VSIG2: variants seen among roughly 807,000 people sequenced by gnomAD.
The protein encoded by VSIG2 is V-set and immunoglobulin domain containing 2.
VSIG2 carries 30 observed loss-of-function variants against 29.4 expected under a neutral mutation model. That is an observed-to-expected ratio of 1.02 (90% CI 0.76 to 1.38). The LOEUF is 1.38. Among genes scored for constraint, VSIG2 ranks in the 40% most tolerant of loss-of-function variants. The pLI is 0.00. For missense variants in VSIG2, 421 were observed against 400.8 expected (o/e 1.05, Z -0.43); for synonymous variants, 178 against 174.2 (o/e 1.02, Z -0.17).
Position 124,750,890 on chromosome 11 carries a change from G to A in VSIG2, c.251C>T (p.Pro84Leu), listed in dbSNP as rs1284605388. The A allele has an allele frequency of 6.8e-6, 11 of 1,613,962 alleles. No individual in the cohort carries two copies. Among genetic ancestry groups the A allele is most frequent in the Non-Finnish European group, 9.3e-6 (11 of 1,180,006 alleles). The change falls in exon 3 of 7, where the codon CCA becomes CTA. Residue 84 changes from proline to leucine, a missense_variant. By Grantham distance (98) the Pro-to-Leu change is moderately conservative. Transcript: ENST00000326621. The stretch of plus-strand genomic sequence containing the variant: ...GACCCGCTTTGACTTAGAACCAGTT[G>A]GATACAGATGGCCATTGGTGAAGTA... ...ILYFTNGHLY[P>L]TGSKSKRVSL... is the part of the protein sequence containing the mutation.
In VSIG2 at chr11:124,749,883, A is replaced by AAAAAAAAAAAAAAC; in HGVS notation, c.428-18_428-17insGTTTTTTTTTTTTT. 1 of 1,513,410 alleles carries AAAAAAAAAAAAAAC rather than the reference A, an allele frequency of 6.6e-7. No homozygotes were observed. Among genetic ancestry groups the AAAAAAAAAAAAAAC allele is most frequent in the Admixed American group, 2.2e-5 (1 of 45,938 alleles). The allele number at this position is 1,513,410 out of a possible 1,614,324, so 93.7% of individuals were successfully genotyped here. On this transcript the variant is annotated splice_polypyrimidine_tract_variant and intron_variant, in intron 3 of 6. Coordinates refer to ENST00000326621, the MANE Select transcript of VSIG2 (RefSeq NM_014312.5). Reference sequence around the variant, plus strand: ...TGGGGGGAACTGCAAAAAAAAAAAAAAAAAAAAAAAAACAGAAAGTTCCTC... The same window carrying AAAAAAAAAAAAAAC: ...TGGGGGGAACTGCAAAAAAAAAAAAAAAAAAAAAAAAAACAAAAAAAAAAAACAGAAAGTTCCTC...
chr11:124,751,621 A>G, intron 1 of VSIG2, 41 bp from the exon 2 acceptor site: 1 of 1,530,974 alleles, frequency 6.5e-7, no homozygotes, highest in Non-Finnish European at 8.7e-7. Context: ...CCCAAATTCC[A>G]GTGATCTGGA....
chr11:124,749,884 A>AAAAAAAAAAAACAAAAAAAAAAAC lies in VSIG2; in HGVS notation c.428-19_428-18insGTTTTTTTTTTTGTTTTTTTTTTT. 2 of 1,460,322 alleles carry AAAAAAAAAAAACAAAAAAAAAAAC rather than the reference A, an allele frequency of 1.4e-6. No homozygotes were observed. Among genetic ancestry groups the AAAAAAAAAAAACAAAAAAAAAAAC allele is most frequent in the Admixed American group, 2.2e-5 (1 of 44,978 alleles). 90.5% of individuals were successfully genotyped at this position (1,460,322 alleles called of 1,614,324 possible). On this transcript the variant is annotated intron_variant, in intron 3 of 6. Coordinates refer to ENST00000326621, the MANE Select transcript of VSIG2 (RefSeq NM_014312.5). Reference sequence around the variant, plus strand: ...GGGGGGAACTGCAAAAAAAAAAAAAAAAAAAAAAAAACAGAAAGTTCCTCA... The same window carrying AAAAAAAAAAAACAAAAAAAAAAAC: ...GGGGGGAACTGCAAAAAAAAAAAAAAAAAAAAAAAAACAAAAAAAAAAACAAAAAAAAAAACAGAAAGTTCCTCA...
intron 3 of VSIG2, 58 bp from the exon 4 acceptor site, chr11:124,749,924 C>G: frequency 6.8e-7 from 1 of 1,462,264 alleles, no homozygotes; most frequent in Non-Finnish European, 9.0e-7. Flanking sequence ...TCTTCCAGCC[C>G]CACTCCCAAC....
rs1944048969 is a variant in VSIG2, at chr11:124,748,893, A to G, written c.587-130T>C. On this transcript the variant is annotated intron_variant, in intron 4 of 6. Transcript: ENST00000326621. Reference sequence around the variant, plus strand: ...AACTAATTTTTTTTCACTGGGGAGGAAACCGGTTCAGAAGAAGGAAGTAGT... The same window carrying G: ...AACTAATTTTTTTTCACTGGGGAGGGAACCGGTTCAGAAGAAGGAAGTAGT... The G allele has an allele frequency of 6.0e-6, 8 of 1,326,070 alleles. No individual in the cohort carries two copies. The South Asian group carries it at 1.0e-4, about 17-fold the overall frequency. 82.1% of individuals were successfully genotyped at this position (1,326,070 alleles called of 1,614,324 possible).
In VSIG2 at chr11:124,747,540, C is replaced by T. The variant is rs554471393; in HGVS notation, c.979G>A (p.Val327Met). Residue 327 changes from valine (V) to methionine (M), a missense_variant, in exon 7 of 7, where the codon GTG becomes ATG. Transcript: ENST00000326621. ...CCCTCAGGGATCGGGAGAAGTCACA[C>T]GACCATAGGGAGCTTGGACTTGGTG... ...TTTKSKLPMV[V>M] 2.2e-5 allele frequency: 36 copies of T among 1,608,380 alleles called. No homozygotes were observed. The highest frequency in any genetic ancestry group is 3.4e-5 in the Admixed American group (2 of 58,330).
Position 124,751,420 on chromosome 11 carries a change from C to A in VSIG2, c.219+3G>T. On this transcript the variant is annotated splice_donor_region_variant and intron_variant, in intron 2 of 6. Coordinates refer to ENST00000326621, the MANE Select transcript of VSIG2 (RefSeq NM_014312.5). The stretch of plus-strand genomic sequence containing the variant: ...CAGCTTCATGCAGTCGCTCTCAGCT[C>A]ACTGGATGGGACTCAGAGATGGGTT... 2.5e-6 allele frequency: 4 copies of A among 1,611,470 alleles called. No individual in the cohort carries two copies. The South Asian group carries it at 4.4e-5, about 18-fold the overall frequency.
intron 2 of VSIG2, 72 bp downstream of exon 2, chr11:124,751,351 G>C (rs971402333): frequency 7.9e-5 from 125 of 1,583,540 alleles, no homozygotes; most frequent in Admixed American, 2.7e-4. Context: ...TCCCCCTCCC[G>C]ACCCCATGCC....
In VSIG2 at chr11:124,748,375, A is replaced by G. The variant is rs746925187; in HGVS notation, c.851+15T>C. The G allele has an allele frequency of 6.3e-5, 99 of 1,583,282 alleles. No individual in the cohort carries two copies. Among genetic ancestry groups the G allele is most frequent in the Non-Finnish European group, 5.8e-5 (68 of 1,163,842 alleles). On this transcript the variant is annotated intron_variant, in intron 6 of 6. Coordinates refer to ENST00000326621, the MANE Select transcript of VSIG2 (RefSeq NM_014312.5). ...TTCCTCCCTCCTTGCGCCACCCCCC[A>G]GCCCTCCTGCTCACCGAAGGTCACT...
chr11:124,747,621 C>T lies in VSIG2; in HGVS notation c.898G>A (p.Ala300Thr), dbSNP rs1166785410. 2 of 1,613,912 alleles carry T rather than the reference C, an allele frequency of 1.2e-6. No individual in the cohort carries two copies. Among genetic ancestry groups the T allele is most frequent in the Non-Finnish European group, 1.7e-6 (2 of 1,179,926 alleles). The stretch of plus-strand genomic sequence containing the variant: ...TCCAGGAACCCCTTGCTAGAATCAG[C>T]CCTCATACAAGTGTGCTCAGAGATC... ...PGISEHTCMR[A>T]DSSKGFLERP... is the part of the protein sequence containing the mutation. Residue 300 changes from alanine (A) to threonine (T), a missense_variant, in exon 7 of 7, where the codon GCT (alanine) becomes ACT (threonine). Coordinates refer to ENST00000326621, the MANE Select transcript of VSIG2 (RefSeq NM_014312.5).
In VSIG2 at chr11:124,749,881, A is replaced by AAAAAC; in HGVS notation, c.428-16_428-15insGTTTT. ...ACTGGGGGGAACTGCAAAAAAAAAA[A>AAAAAC]AAAAAAAAAAAAAACAGAAAGTTCC... On this transcript the variant is annotated splice_polypyrimidine_tract_variant and intron_variant, in intron 3 of 6. Coordinates refer to ENST00000326621, the MANE Select transcript of VSIG2 (RefSeq NM_014312.5). 2 of 1,513,020 alleles carry AAAAAC rather than the reference A, an allele frequency of 1.3e-6. No homozygotes were observed. The highest frequency in any genetic ancestry group is 2.3e-5 in the East Asian group (1 of 43,388). 93.7% of individuals were successfully genotyped at this position (1,513,020 alleles called of 1,614,324 possible). A position where few individuals can be genotyped will look rare whatever the true frequency, so the allele number is the denominator to read the frequency against.
In VSIG2 at chr11:124,751,351, G is replaced by A. The variant is rs971402333; in HGVS notation, c.219+72C>T. ...TACTGATCCCCAAACTCCCCCTCCC[G>A]ACCCCATGCCCTCATCCTGGGCTCC... On this transcript the variant is annotated intron_variant, in intron 2 of 6. Coordinates refer to ENST00000326621, the MANE Select transcript of VSIG2 (RefSeq NM_014312.5). 6 of 1,583,542 alleles carry A rather than the reference G, an allele frequency of 3.8e-6. No individual in the cohort carries two copies. In the African/African-American group the frequency reaches 4.0e-5, roughly 11 times the overall value.
At position 124,747,599 on chromosome 11, in the gene VSIG2, A is replaced by G. The variant is rs749868811; in HGVS notation, c.920T>C (p.Leu307Pro). ...GGTGCTGGCAGACGAGGGTCTTTCC[A>G]GGAACCCCTTGCTAGAATCAGCCCT... ...CMRADSSKGF[L>P]ERPSSASTVT... Residue 307 changes from leucine (L) to proline (P), a missense_variant, in exon 7 of 7, where the codon CTG becomes CCG. Coordinates refer to ENST00000326621, the MANE Select transcript of VSIG2 (RefSeq NM_014312.5). 1 of 1,613,936 alleles carries G rather than the reference A, an allele frequency of 6.2e-7. No homozygotes were observed. Among genetic ancestry groups the G allele is most frequent in the Non-Finnish European group, 8.5e-7 (1 of 1,179,912 alleles).
chr11:124,751,914 G>A (rs1465191489), intron 1 of VSIG2, among the ~76,000 whole-genome samples, 163 bp downstream of exon 1: 3 of 152,212 alleles, frequency 2.0e-5, no homozygotes, highest in African/African-American at 7.2e-5. Context: ...CGCCCTCCGG[G>A]CCTTGGACAC....
intron 2 of VSIG2, among the ~76,000 whole-genome samples, chr11:124,751,190 C>A (rs2134453363): frequency 6.6e-6 from 1 of 152,150 alleles, no homozygotes; most frequent in Middle Eastern, 3.4e-3. Context: ...AGTCACAACA[C>A]CTTAGTGTCA....
In VSIG2 at chr11:124,750,732, T is replaced by C; in HGVS notation, c.409A>G (p.Ile137Val). The change falls in exon 3 of 7, where the codon ATC becomes GTC. Residue 137 changes from isoleucine (I) to valine (V), a missense_variant. Physicochemically the swap from Ile to Val is conservative, Grantham distance 29 (BLOSUM62 3). Transcript: ENST00000326621. ...GCCTTACCCAGCACAGTAAGGTTGA[T>C]TAGCCCCAACCCATTGGTGTAGAAA... is the stretch of plus-strand genomic sequence containing the variant. ...PDFYTNGLGL[I>V]NLTVLVPPSN... 6.2e-7 allele frequency: 1 copy of C among 1,614,048 alleles called. No homozygotes were observed. The highest frequency in any genetic ancestry group is 1.1e-5 in the South Asian group (1 of 91,062).
At position 124,749,833 on chromosome 11, in the gene VSIG2, C is replaced by T. The variant is rs771272598; in HGVS notation, c.461G>A (p.Gly154Glu). The T allele has an allele frequency of 5.1e-6, 8 of 1,575,184 alleles. No individual in the cohort carries two copies. Among genetic ancestry groups the T allele is most frequent in the Middle Eastern group, 3.5e-4 (2 of 5,726 alleles). Residue 154 changes from glycine (G) to glutamate (E), a missense_variant, in exon 4 of 7, where the codon GGA (glycine) becomes GAA (glutamate). By Grantham distance (98) the Gly-to-Glu change is moderately conservative. Coordinates refer to ENST00000326621, the MANE Select transcript of VSIG2 (RefSeq NM_014312.5). ...AGTAGAGCCTCCCACAGAGGTTTGTCCACTCTGACTGCATAAGGGATTACT... is the reference window on the plus strand; with the variant it reads ...AGTAGAGCCTCCCACAGAGGTTTGTTCACTCTGACTGCATAAGGGATTACT... ...PPSNPLCSQS[G>E]QTSVGGSTAL...
At position 124,748,490 on chromosome 11, in the gene VSIG2, G is replaced by A; in HGVS notation, c.751C>T (p.Leu251=). ...RVAGALIGVL[L]GVLLLSVAAF... ...GCAACTGACAGCAACAGCACGCCCA[G>A]GAGCACCCCAATCAGAGCTCCGGCC... The change falls in exon 6 of 7, where the codon CTG becomes TTG. Residue 251 remains leucine, a synonymous_variant. Coordinates refer to ENST00000326621, the MANE Select transcript of VSIG2 (RefSeq NM_014312.5). 6.2e-7 allele frequency: 1 copy of A among 1,614,158 alleles called. No homozygotes were observed. Among genetic ancestry groups the A allele is most frequent in the Non-Finnish European group, 8.5e-7 (1 of 1,180,032 alleles).
intron 4 of VSIG2, among the ~76,000 whole-genome samples, 175 bp from the exon 5 acceptor site, chr11:124,748,938 G>T (rs1565439197): frequency 6.6e-6 from 1 of 152,188 alleles, no homozygotes; most frequent in Admixed American, 6.5e-5. Context: ...GTGACCCAGA[G>T]AGGAATTCCA....
Sources: allele counts gnomAD v4.1 joint callset (sites outside exome capture counted in the v4.1 genomes callset), GRCh38; gene constraint gnomAD v4.1.1; transcripts MANE v1.5; gene names NCBI Gene and HGNC (gene_info 2026-07-23, HGNC 2026-07-21).